Variants in ARPC1B observed in about 807,000 individuals in gnomAD.
ARPC1B encodes actin related protein 2/3 complex subunit 1B.
A neutral mutation model predicts 46.0 loss-of-function variants in ARPC1B; 29 were observed. The ratio of observed to expected loss-of-function variants is 0.63; its 90% CI spans 0.47 to 0.86. The LOEUF is 0.86. Among genes scored for constraint, ARPC1B ranks in the 40% least tolerant of loss-of-function variants. The probability of loss-of-function intolerance (pLI) is 0.00; values close to 1 mark genes in which losing one functional copy is unlikely to be tolerated. For synonymous variants in ARPC1B, 201 were observed against 213.9 expected (o/e 0.94, Z 0.53); for missense variants, 469 against 529.4 (o/e 0.89, Z 1.12).
intron 1 of ARPC1B, among the ~76,000 whole-genome samples, chr7:99,381,473 A>G (rs1040782613): frequency 6.6e-6 from 1 of 152,092 alleles, no homozygotes; most frequent in Non-Finnish European, 1.5e-5. Flanking sequence ...CTGAACACGC[A>G]TGTGTTTGTG....
intron 1 of ARPC1B, among the ~76,000 whole-genome samples, chr7:99,376,873 A>G (rs980113353): frequency 1.4e-5 from 2 of 145,090 alleles, no homozygotes; most frequent in African/African-American, 2.6e-5. Flanking sequence ...TCTGTCTCCA[A>G]AAAAAAAAAA....
At chr7:99,388,518 A>C in intron 4 of ARPC1B, 1 of 484,592 alleles carries the variant, frequency 2.1e-6, no homozygotes, top group South Asian at 2.9e-5. Flanking sequence ...ATTAGTCCTG[A>C]CTTCCCTGCA....
intron 1 of ARPC1B, among the ~76,000 whole-genome samples, chr7:99,380,926 C>T (rs1704250789): frequency 6.6e-6 from 1 of 152,146 alleles, no homozygotes; most frequent in South Asian, 2.1e-4. Flanking sequence ...GGGCTTCTGG[C>T]CTTCACCCTG....
At chr7:99,385,803 G>T in intron 2 of ARPC1B, 25 bp downstream of exon 2, 1 of 1,597,762 alleles carries the variant, frequency 6.3e-7, no homozygotes, top group Non-Finnish European at 8.5e-7. Context: ...GGGGCCGGTG[G>T]GTGGCTGCTT....
At position 99,389,973 on chromosome 7, in the gene ARPC1B, A is replaced by G; in HGVS notation, c.461A>G (p.Asn154Ser). 1 of 1,613,882 alleles carries G rather than the reference A, an allele frequency of 6.2e-7. No homozygotes were observed. Among genetic ancestry groups the G allele is most frequent in the Non-Finnish European group, 8.5e-7 (1 of 1,179,884 alleles). ...CTCAGCCTGGACTGGCACCCCAACA[A>G]TGTGCTGCTGGCTGCCGGCTCCTGT... is the stretch of plus-strand genomic sequence containing the variant. ...TVLSLDWHPN[N>S]VLLAAGSCDF... Residue 154 changes from asparagine (N) to serine (S), a missense_variant, in exon 5 of 10, where the codon AAT (asparagine) becomes AGT (serine). Transcript: ENST00000646101.
At chr7:99,391,930 T>C (rs1163317001) in intron 7 of ARPC1B, 1 of 151,876 alleles carries the variant, frequency 6.6e-6, no homozygotes, top group African/African-American at 2.4e-5. Flanking sequence ...TGGGCGCCCA[T>C]GGTCCCAGCT....
At chr7:99,382,571 C>G (rs1166234444) in intron 1 of ARPC1B, among the ~76,000 whole-genome samples, 1 of 152,022 alleles carries the variant, frequency 6.6e-6, no homozygotes, top group Non-Finnish European at 1.5e-5. Context: ...CTAGGCTAAG[C>G]AATCCTCCTG....
intron 7 of ARPC1B, among the ~76,000 whole-genome samples, chr7:99,391,839 G>A: frequency 6.6e-6 from 1 of 151,428 alleles, no homozygotes; most frequent in Non-Finnish European, 1.5e-5. Context: ...ATCACCTGAG[G>A]TCAGGGGTTC....
At position 99,391,177 on chromosome 7, in the gene ARPC1B, G is replaced by T; in HGVS notation, c.708-1G>T. 1 of 1,614,028 alleles carries T rather than the reference G, an allele frequency of 6.2e-7. No individual in the cohort carries two copies. Among genetic ancestry groups the T allele is most frequent in the Non-Finnish European group, 8.5e-7 (1 of 1,180,002 alleles). On this transcript the variant is annotated splice_acceptor_variant, in intron 6 of 9. Coordinates refer to ENST00000646101, the MANE Select transcript of ARPC1B (RefSeq NM_005720.4). LOFTEE classifies it high-confidence loss of function. ...CGTGACTCACAGCTCTCTCCCCTCA[G>T]CGTCGCGACTCTGGCCTCTGAAACA... is the stretch of plus-strand genomic sequence containing the variant.
intron 2 of ARPC1B, 93 bp downstream of exon 2, chr7:99,385,871 C>A: frequency 7.6e-7 from 1 of 1,318,682 alleles, no homozygotes; most frequent in Non-Finnish European, 1.1e-6. Flanking sequence ...AGCAGCCAGG[C>A]CCCCGGACCA....
intron 1 of ARPC1B, among the ~76,000 whole-genome samples, chr7:99,375,228 C>A (rs1793998544): frequency 6.6e-6 from 1 of 152,106 alleles, no homozygotes; most frequent in African/African-American, 2.4e-5. Context: ...CCCGTTACTT[C>A]GGGCCGGCGG....
chr7:99,378,152 C>T lies in ARPC1B; in HGVS notation c.-14+3371C>T, dbSNP rs111591712. 3.5e-3 allele frequency among the ~76,000 whole-genome samples: 540 copies of T among 152,194 alleles called. 3 individuals carry two copies. The highest frequency in any genetic ancestry group is 0.011 in the African/African-American group (476 of 41,532). On this transcript the variant is annotated intron_variant, in intron 1 of 9. Transcript: ENST00000646101. ...TCGGCTCACTGCAACCTCCACCTTCCCAGCTCAAGGAATCCTCCAGCCTCA... is the reference window on the plus strand; with the variant it reads ...TCGGCTCACTGCAACCTCCACCTTCTCAGCTCAAGGAATCCTCCAGCCTCA...
intron 1 of ARPC1B, among the ~76,000 whole-genome samples, chr7:99,378,568 A>C (rs1170274182): frequency 6.6e-6 from 1 of 150,990 alleles, no homozygotes; most frequent in African/African-American, 2.4e-5. Flanking sequence ...CTGTAGTTCC[A>C]CCTACTGGGG....
chr7:99,376,031 C>T (rs1035595292), intron 1 of ARPC1B, among the ~76,000 whole-genome samples: 9 of 147,976 alleles, frequency 6.1e-5, no homozygotes, highest in Non-Finnish European at 1.3e-4. Context: ...CATTGCACTC[C>T]AGCCTGGGCA....
At chr7:99,379,588 G>T (rs746842593) in intron 1 of ARPC1B, among the ~76,000 whole-genome samples, 1 of 152,124 alleles carries the variant, frequency 6.6e-6, no homozygotes, top group East Asian at 1.9e-4. Flanking sequence ...GAAGGGTCCC[G>T]CAGCCTGTGC....
intron 1 of ARPC1B, among the ~76,000 whole-genome samples, chr7:99,381,090 G>A (rs552773818): frequency 1.3e-5 from 2 of 152,332 alleles, no homozygotes; most frequent in South Asian, 4.1e-4. Flanking sequence ...AACGCTCAGG[G>A]AAACCCCCAT....
chr7:99,376,028 C>CTCCA (rs2150883650), intron 1 of ARPC1B, among the ~76,000 whole-genome samples: 1 of 150,666 alleles, frequency 6.6e-6, no homozygotes, highest in African/African-American at 2.5e-5. Context: ...CGCCATTGCA[C>CTCCA]TCCAGCCTGG....
At chr7:99,375,573 G>C (rs928736572) in intron 1 of ARPC1B, among the ~76,000 whole-genome samples, 10 of 151,972 alleles carry the variant, frequency 6.6e-5, no homozygotes, top group African/African-American at 2.4e-4. Flanking sequence ...AGGAGTGCAA[G>C]CCTGGGGAGT....
chr7:99,387,758 A>G (rs2404322), intron 3 of ARPC1B, among the ~76,000 whole-genome samples: 1 of 145,326 alleles, frequency 6.9e-6, no homozygotes, highest in Non-Finnish European at 1.5e-5. Context: ...AAAAAAAAAA[A>G]GATTGGTGGT....
Sources: gnomAD v4.1 joint callset for allele counts (sites outside exome capture counted in the v4.1 genomes callset) on GRCh38, gnomAD v4.1.1 for gene constraint, MANE v1.5 for transcripts, NCBI Gene and HGNC (gene_info 2026-07-23, HGNC 2026-07-21) for gene names.